The following SIGLEC7 variants were observed in gnomAD, a reference collection of about 807,000 sequenced individuals.
The protein encoded by SIGLEC7 is sialic acid binding Ig like lectin 7, also known as sialic acid-binding Ig-like lectin 7.
SIGLEC7 carries 33 observed loss-of-function variants against 40.8 expected under a neutral mutation model. The ratio of observed to expected loss-of-function variants is 0.81; its 90% CI spans 0.61 to 1.08. The LOEUF (loss-of-function observed/expected upper bound fraction) is 1.08, where lower values mean the gene tolerates loss of function less well. Among genes scored for constraint, SIGLEC7 ranks in the 50% least tolerant of loss-of-function variants. SIGLEC7 has a pLI of 0.00. For missense variants in SIGLEC7, 513 were observed against 576.1 expected (o/e 0.89, Z 1.12); for synonymous variants, 242 against 237.6 (o/e 1.02, Z -0.17).
At position 51,146,745 on chromosome 19, in the gene SIGLEC7, C is replaced by T; in HGVS notation, c.1028-9C>T. On this transcript the variant is annotated splice_polypyrimidine_tract_variant and intron_variant, in intron 4 of 6. Coordinates refer to ENST00000317643, the MANE Select transcript of SIGLEC7 (RefSeq NM_014385.4). ...TTGGATCACCAAAACAATTCCAATC[C>T]ATCCTCAGGCAAAATGAGGCCTGTA... 6.2e-7 allele frequency: 1 copy of T among 1,611,822 alleles called. No individual in the cohort carries two copies. The highest frequency in any genetic ancestry group is 1.1e-5 in the South Asian group (1 of 90,814).
Position 51,147,295 on chromosome 19 carries a change from C to T in SIGLEC7, c.1199C>T (p.Thr400Ile), listed in dbSNP as rs1381017735. The change falls in exon 6 of 7, where the codon ACC (threonine) becomes ATC (isoleucine). Residue 400 changes from threonine (T) to isoleucine (I), a missense_variant. Coordinates refer to ENST00000317643, the MANE Select transcript of SIGLEC7 (RefSeq NM_014385.4). ...VGDIGMKDAN[T>I]IRGSASQGNL... ...GACATAGGCATGAAGGATGCAAACA[C>T]CATCAGGGGCTCAGCCTCTCAGGTG... 1.9e-5 allele frequency: 31 copies of T among 1,611,204 alleles called. No individual in the cohort carries two copies. The highest frequency in any genetic ancestry group is 5.3e-5 in the African/African-American group (4 of 74,808).
intron 1 of SIGLEC7, chr19:51,143,777 AATGAAGAGAGGG>A (rs1212850733): frequency 7.0e-6 from 2 of 286,282 alleles, no homozygotes; most frequent in Admixed American, 9.2e-5. Flanking sequence ...CTTGTGGGCA[AATGAAGAGAGGG>A]ACAGTCGGGG....
Position 51,153,437 on chromosome 19 carries a change from C to T in SIGLEC7, c.*192C>T. The T allele has an allele frequency of 2.5e-6, 1 of 407,110 alleles. No homozygotes were observed. Among genetic ancestry groups the T allele is most frequent in the Admixed American group, 4.4e-5 (1 of 22,570 alleles). The allele number at this position is 407,110 out of a possible 1,614,324, so 25.2% of individuals were successfully genotyped here. On this transcript the variant is annotated 3_prime_UTR_variant, in exon 7 of 7. Transcript: ENST00000317643. ...TTCCCCATCCAATCGGTCCACACTCCCCGCCCTGGCCTCTGGTACCCACCA... is the reference window on the plus strand; with the variant it reads ...TTCCCCATCCAATCGGTCCACACTCTCCGCCCTGGCCTCTGGTACCCACCA...
Position 51,147,230 on chromosome 19 carries a change from C to T in SIGLEC7, c.1134C>T (p.Ser378=). ...TGGTCTCTTCACTCAGAGTGAGGTC[C>T]TGCAGGAAGAAATCGGCAAGGCCAG... The part of the protein sequence containing the change: ...SFCVIFIVVR[S]CRKKSARPAA... Residue 378 remains serine (S), a synonymous_variant, in exon 6 of 7, where the codon TCC becomes TCT. Coordinates refer to ENST00000317643, the MANE Select transcript of SIGLEC7 (RefSeq NM_014385.4). 1.2e-6 allele frequency: 2 copies of T among 1,612,470 alleles called. No individual in the cohort carries two copies. Among genetic ancestry groups the T allele is most frequent in the Non-Finnish European group, 1.7e-6 (2 of 1,178,988 alleles).
chr19:51,145,933 G>A lies in SIGLEC7; in HGVS notation c.839G>A (p.Ser280Asn), dbSNP rs752339120. Residue 280 changes from serine (S) to asparagine (N), a missense_variant, in exon 4 of 7, where the codon AGC (serine) becomes AAC (asparagine). Coordinates refer to ENST00000317643, the MANE Select transcript of SIGLEC7 (RefSeq NM_014385.4). The surrounding 1 kb of genome is among the most constrained non-coding windows in gnomAD (Gnocchi z 4.3). ...QSLRLVCAVD[S>N]NPPARLSWTW... ...CTGCGCTTGGTCTGTGCTGTTGACA[G>A]CAATCCCCCTGCCAGGCTGAGCTGG... is the stretch of plus-strand genomic sequence containing the variant. The A allele has an allele frequency of 1.2e-6, 2 of 1,614,220 alleles. No individual in the cohort carries two copies. Among genetic ancestry groups the A allele is most frequent in the Non-Finnish European group, 1.7e-6 (2 of 1,180,046 alleles).
At position 51,153,281 on chromosome 19, in the gene SIGLEC7, C is replaced by T. The variant is rs543785901; in HGVS notation, c.*36C>T. On this transcript the variant is annotated 3_prime_UTR_variant, in exon 7 of 7. Transcript: ENST00000317643. ...AGGCTCGGGCTTGTTTGAGGGTTCACGACCCCTCCAGCAAAGGAGTCTGAG... is the reference window on the plus strand; with the variant it reads ...AGGCTCGGGCTTGTTTGAGGGTTCATGACCCCTCCAGCAAAGGAGTCTGAG... 4.4e-5 allele frequency: 64 copies of T among 1,463,206 alleles called. No individual in the cohort carries two copies. The East Asian group carries it at 9.5e-4, about 22-fold the overall frequency. The allele number at this position is 1,463,206 out of a possible 1,614,324, so 90.6% of individuals were successfully genotyped here.
At chr19:51,147,082 G>GT (rs2092113371) in intron 5 of SIGLEC7, 139 bp from the exon 6 acceptor site, 3 of 1,314,192 alleles carry the variant, frequency 2.3e-6, no homozygotes, top group Non-Finnish European at 3.2e-6. Flanking sequence ...TTCAACACTG[G>GT]GGTCTCTGGG....
In SIGLEC7 at chr19:51,146,090, C is replaced by G; in HGVS notation, c.996C>G (p.Ser332=). 1 of 1,614,184 alleles carries G rather than the reference C, an allele frequency of 6.2e-7. No homozygotes were observed. The highest frequency in any genetic ancestry group is 8.5e-7 in the Non-Finnish European group (1 of 1,180,030). ...ACTCTCTGGGTTCCCAGCACGTTTC[C>G]CTGAACCTCTCCCTGCAACAGGAGT... The part of the protein sequence containing the change: ...AQNSLGSQHV[S]LNLSLQQEYT... Residue 332 remains serine, a synonymous_variant, in exon 4 of 7, where the codon TCC becomes TCG. Coordinates refer to ENST00000317643, the MANE Select transcript of SIGLEC7 (RefSeq NM_014385.4).
chr19:51,145,387 T>C lies in SIGLEC7; in HGVS notation c.760+428T>C, dbSNP rs1398416583. ...AATCAACCAGGGTCTGTCCAGGCTG[T>C]CCTGAGCCTTGGTTTGTGCACCTGG... On this transcript the variant is annotated intron_variant, in intron 3 of 6. Coordinates refer to ENST00000317643, the MANE Select transcript of SIGLEC7 (RefSeq NM_014385.4). The surrounding 1 kb of genome is among the most constrained non-coding windows in gnomAD (Gnocchi z 4.3). Among the ~76,000 whole-genome samples, 5 of 152,302 alleles carry C rather than the reference T, an allele frequency of 3.3e-5. No individual in the cohort carries two copies. The highest frequency in any genetic ancestry group is 3.3e-4 in the Admixed American group (5 of 15,298).
chr19:51,148,136 T>G (rs774577099), intron 6 of SIGLEC7, among the ~76,000 whole-genome samples: 1 of 152,156 alleles, frequency 6.6e-6, no homozygotes, highest in Non-Finnish European at 1.5e-5. Flanking sequence ...TGGCCTAGCA[T>G]GCAAAATTTA....
intron 6 of SIGLEC7, among the ~76,000 whole-genome samples, chr19:51,148,347 C>T (rs575413504): frequency 2.0e-5 from 3 of 152,198 alleles, no homozygotes; most frequent in Non-Finnish European, 4.4e-5. Flanking sequence ...CCACCCTCCA[C>T]CTTCAAGTGG....
intron 6 of SIGLEC7, among the ~76,000 whole-genome samples, chr19:51,150,335 A>G (rs1354546055): frequency 6.6e-6 from 1 of 152,178 alleles, no homozygotes; most frequent in African/African-American, 2.4e-5. Context: ...TACCTAGTTT[A>G]CTGAGAGTTT....
In SIGLEC7 at chr19:51,145,024, C is replaced by A. The variant is rs564937540; in HGVS notation, c.760+65C>A. The A allele has an allele frequency of 4.1e-6, 6 of 1,473,580 alleles. No homozygotes were observed. The highest frequency in any genetic ancestry group is 5.7e-6 in the Non-Finnish European group (6 of 1,052,816). 91.3% of individuals were successfully genotyped at this position (1,473,580 alleles called of 1,614,324 possible). ...CCTTCAGCTCAGGGCAGGGCCAGGT[C>A]CCTCCTCATCCTGGACTCACCCTGG... is the stretch of plus-strand genomic sequence containing the variant. On this transcript the variant is annotated intron_variant, in intron 3 of 6. Coordinates refer to ENST00000317643, the MANE Select transcript of SIGLEC7 (RefSeq NM_014385.4). The surrounding 1 kb of genome is among the most constrained non-coding windows in gnomAD (Gnocchi z 4.3).
chr19:51,145,332 T>A lies in SIGLEC7; in HGVS notation c.760+373T>A, dbSNP rs2092100332. ...CATGCTATAATCACGTGGGCAAAAA[T>A]TTTAAATTCACAGTAAAATGTGTCC... On this transcript the variant is annotated intron_variant, in intron 3 of 6. Transcript: ENST00000317643. The surrounding 1 kb of genome is among the most constrained non-coding windows in gnomAD (Gnocchi z 4.3). Among the ~76,000 whole-genome samples, 1 of 152,188 alleles carries A rather than the reference T, an allele frequency of 6.6e-6. No homozygotes were observed. The highest frequency in any genetic ancestry group is 2.4e-5 in the African/African-American group (1 of 41,442).
intron 1 of SIGLEC7, 60 bp from the exon 2 acceptor site, chr19:51,144,346 T>C: frequency 1.3e-6 from 2 of 1,525,784 alleles, no homozygotes; most frequent in South Asian, 1.3e-5. Flanking sequence ...AGCCTGAGCT[T>C]CCCCCAGGGC....
chr19:51,152,921 G>A, intron 6 of SIGLEC7, 142 bp from the exon 7 acceptor site: 1 of 543,232 alleles, frequency 1.8e-6, no homozygotes. Context: ...ATGAACGTGG[G>A]ATAGAGGCAG....
rs1213278876 is a variant in SIGLEC7 at position 51,142,697 on chromosome 19, A to G, written c.328A>G (p.Ile110Val). ...ACAGACCAAAAATTGCACCCTGAGC[A>G]TCAGAGATGCCAGAATGAGTGATGC... Reference protein sequence around the residue: ...DPQTKNCTLSIRDARMSDAGR... With the variant: ...DPQTKNCTLSVRDARMSDAGR... The change falls in exon 1 of 7, where the codon ATC (isoleucine) becomes GTC (valine). Residue 110 changes from isoleucine to valine, a missense_variant. By Grantham distance (29) the Ile-to-Val change is conservative. Coordinates refer to ENST00000317643, the MANE Select transcript of SIGLEC7 (RefSeq NM_014385.4). The surrounding 1 kb of genome is among the most constrained non-coding windows in gnomAD (Gnocchi z 5.0). The G allele has an allele frequency of 6.2e-7, 1 of 1,614,110 alleles. No individual in the cohort carries two copies. The highest frequency in any genetic ancestry group is 1.3e-5 in the African/African-American group (1 of 74,934).
chr19:51,146,615 C>T, intron 4 of SIGLEC7, 139 bp from the exon 5 acceptor site: 1 of 664,058 alleles, frequency 1.5e-6, no homozygotes, highest in East Asian at 2.7e-5. Context: ...GTTGTCCCTT[C>T]CTCCTCCCTC....
rs1175836012 is a variant in SIGLEC7, at chr19:51,142,915, G to A, written c.433+113G>A. The stretch of plus-strand genomic sequence containing the variant: ...GGCCGGGGGTGATGGACTCAGGAGA[G>A]GAGCTGGACCAGAGCCTGAGCTTCC... On this transcript the variant is annotated intron_variant, in intron 1 of 6. Coordinates refer to ENST00000317643, the MANE Select transcript of SIGLEC7 (RefSeq NM_014385.4). This position sits in a 1 kb window ranked among gnomAD's most constrained non-coding sequence, Gnocchi z 5.0. 6 of 1,184,730 alleles carry A rather than the reference G, an allele frequency of 5.1e-6. No homozygotes were observed. Among genetic ancestry groups the A allele is most frequent in the Admixed American group, 4.6e-5 (2 of 43,442 alleles). The allele number at this position is 1,184,730 out of a possible 1,614,324, so 73.4% of individuals were successfully genotyped here.
Sources: allele counts gnomAD v4.1 joint callset (sites outside exome capture counted in the v4.1 genomes callset), GRCh38; gene constraint gnomAD v4.1.1; non-coding constraint Gnocchi (gnomAD v3.1); transcripts MANE v1.5; gene names NCBI Gene and HGNC (gene_info 2026-07-23, HGNC 2026-07-21).